DZIP1: variants seen among roughly 807,000 people sequenced by gnomAD.
DZIP1 encodes the protein cilium assembly protein DZIP1.
Under a neutral mutation model 107.6 loss-of-function variants are expected in DZIP1, and 97 were observed. That is an observed-to-expected ratio of 0.90 (90% CI 0.77 to 1.07). The LOEUF is 1.07. DZIP1 is among the 50% of genes least tolerant of loss of function. The probability of loss-of-function intolerance (pLI) is 0.00; values close to 1 mark genes in which losing one functional copy is unlikely to be tolerated. For missense variants in DZIP1, 1,035 were observed against 1,063.6 expected, an observed-to-expected ratio of 0.97 and a Z score of 0.37; for synonymous variants, 390 against 386.4, an observed-to-expected ratio of 1.01 and a Z score of -0.11.
chr13:95,584,607 C>G (rs772862810), intron 22 of DZIP1, 129 bp downstream of exon 22: 4 of 1,450,980 alleles, frequency 2.8e-6, no homozygotes, highest in Non-Finnish European at 3.6e-6. Flanking sequence ...ATTTAAATAA[C>G]ATAAAGAAAG....
At chr13:95,595,263 A>T (rs1239919529) in intron 15 of DZIP1, among the ~76,000 whole-genome samples, 2 of 152,236 alleles carry the variant, frequency 1.3e-5, no homozygotes, top group East Asian at 3.8e-4. Flanking sequence ...TTTGTTTAAG[A>T]TGTTTTCTAA....
rs778868848 is a variant in DZIP1 at position 95,590,493 on chromosome 13, A to C, written c.1681-52T>G. 4.6e-6 allele frequency: 7 copies of C among 1,527,676 alleles called. 1 individual carries two copies. The South Asian group carries it at 7.6e-5, about 17-fold the overall frequency. The allele number at this position is 1,527,676 out of a possible 1,614,324, so 94.6% of individuals were successfully genotyped here. On this transcript the variant is annotated intron_variant, in intron 16 of 22. Transcript: ENST00000376829. Reference sequence around the variant, plus strand: ...CAGTTATCCTGGGAGGTTTCATTTCATGGGCATATATCAGCATTAACTGTG... The same window carrying C: ...CAGTTATCCTGGGAGGTTTCATTTCCTGGGCATATATCAGCATTAACTGTG...
At chr13:95,623,993 A>G (rs1268347086) in intron 8 of DZIP1, among the ~76,000 whole-genome samples, 2 of 136,486 alleles carry the variant, frequency 1.5e-5, no homozygotes, top group Non-Finnish European at 3.2e-5. Context: ...AGGCCATTCA[A>G]AAACAGGTGG....
chr13:95,602,968 C>T (rs2044661950), intron 14 of DZIP1, among the ~76,000 whole-genome samples: 1 of 152,164 alleles, frequency 6.6e-6, no homozygotes, highest in African/African-American at 2.4e-5. Context: ...TTCAGTATTT[C>T]AAGATGTAGA....
chr13:95,637,636 C>CAA, intron 5 of DZIP1, among the ~76,000 whole-genome samples: 1 of 142,148 alleles, frequency 7.0e-6, no homozygotes, highest in Non-Finnish European at 1.5e-5. Context: ...CTCTCTCTCT[C>CAA]TCTCTCTCTC....
rs558645897 is a variant in DZIP1, at chr13:95,619,906, T to C, written c.1152A>G (p.Glu384=). ...TTACCCGACCCTTCTCTTTCTTGTG[T>C]TCTTGATGAATAGCTTGAACTCGAG... The part of the protein sequence containing the change: ...WTARVQAIHQ[E]HKKEKGRLLS... Residue 384 remains glutamate (E), a synonymous_variant, in exon 10 of 23, where the codon GAA becomes GAG. Coordinates refer to ENST00000376829, the MANE Select transcript of DZIP1 (RefSeq NM_198968.4). 3 of 1,613,982 alleles carry C rather than the reference T, an allele frequency of 1.9e-6. No individual in the cohort carries two copies. The highest frequency in any genetic ancestry group is 2.5e-6 in the Non-Finnish European group (3 of 1,179,998).
Position 95,593,954 on chromosome 13 carries a change from C to T in DZIP1, c.1670G>A (p.Gly557Glu), listed in dbSNP as rs1472476910. ...AATGAATGAACATACTGCATTAATCCCCAAGGTTTCCAGTTTCTCCATCAA... is the reference window on the plus strand; with the variant it reads ...AATGAATGAACATACTGCATTAATCTCCAAGGTTTCCAGTTTCTCCATCAA... ...QNLMEKLETL[G>E]INADIRGISS... Residue 557 changes from glycine (G) to glutamate (E), a missense_variant, in exon 16 of 23, where the codon GGG (glycine) becomes GAG (glutamate). Transcript: ENST00000376829. The T allele has an allele frequency of 6.2e-7, 1 of 1,605,186 alleles. No individual in the cohort carries two copies. The highest frequency in any genetic ancestry group is 1.1e-5 in the South Asian group (1 of 88,596).
intron 14 of DZIP1, among the ~76,000 whole-genome samples, chr13:95,599,867 G>A (rs17189824): frequency 0.62 from 93,692 of 152,064 alleles, 29,603 homozygotes; most frequent in African/African-American, 0.74. Context: ...CTAACCCCAC[G>A]GTTTTCAAGT....
chr13:95,634,853 A>G (rs1877602855), intron 5 of DZIP1, among the ~76,000 whole-genome samples: 1 of 152,200 alleles, frequency 6.6e-6, no homozygotes, highest in Admixed American at 6.5e-5. Flanking sequence ...TTTCCCTAAT[A>G]TTTCACATAT....
chr13:95,628,144 A>T (rs1176994369), intron 7 of DZIP1, among the ~76,000 whole-genome samples: 1 of 151,948 alleles, frequency 6.6e-6, no homozygotes, highest in Non-Finnish European at 1.5e-5. Flanking sequence ...GACTCAAGCC[A>T]TCTTCCTCCC....
At chr13:95,583,967 T>A (rs1158082554) in intron 22 of DZIP1, among the ~76,000 whole-genome samples, 1 of 151,448 alleles carries the variant, frequency 6.6e-6, no homozygotes, top group African/African-American at 2.4e-5. Context: ...CTAAAAAAAA[T>A]AAAAAAATAA....
intron 9 of DZIP1, among the ~76,000 whole-genome samples, chr13:95,620,162 C>T (rs1482272466): frequency 2.6e-5 from 4 of 152,100 alleles, no homozygotes; most frequent in African/African-American, 9.7e-5. Flanking sequence ...GTGGACTTCC[C>T]CCTTGCTGTT....
chr13:95,638,834 ATG>A (rs1397442429), intron 5 of DZIP1, among the ~76,000 whole-genome samples: 4 of 152,222 alleles, frequency 2.6e-5, no homozygotes, highest in African/African-American at 9.7e-5. Flanking sequence ...TGGTATGAGA[ATG>A]AGAATGAGAC....
chr13:95,620,265 C>T (rs1875663239), intron 9 of DZIP1, among the ~76,000 whole-genome samples: 1 of 152,178 alleles, frequency 6.6e-6, no homozygotes. Context: ...TTAAGACGTG[C>T]TTGGTTCCCC....
intron 10 of DZIP1, 71 bp from the exon 11 acceptor site, chr13:95,612,248 G>A: frequency 6.5e-7 from 1 of 1,533,886 alleles, no homozygotes; most frequent in Non-Finnish European, 8.8e-7. Flanking sequence ...CAGATTTCAG[G>A]TATACATGCT....
At chr13:95,636,483 C>T (rs1877834112) in intron 5 of DZIP1, among the ~76,000 whole-genome samples, 1 of 140,876 alleles carries the variant, frequency 7.1e-6, no homozygotes, top group African/African-American at 2.7e-5. Flanking sequence ...GTGGAGGTTG[C>T]AGTGAGACAA....
chr13:95,620,383 C>T lies in DZIP1; in HGVS notation c.1111-436G>A, dbSNP rs376671440. Among the ~76,000 whole-genome samples the T allele has an allele frequency of 3.3e-5, 5 of 152,270 alleles. No homozygotes were observed. In the South Asian group the frequency reaches 1.0e-3, roughly 32 times the overall value. On this transcript the variant is annotated intron_variant, in intron 9 of 22. Transcript: ENST00000376829. ...TTAAACCTCTTTTCTTTATAAATTACCCAGTCTTAGGTAATTCTTTACAGT... is the reference window on the plus strand; with the variant it reads ...TTAAACCTCTTTTCTTTATAAATTATCCAGTCTTAGGTAATTCTTTACAGT...
chr13:95,602,055 A>G lies in DZIP1; in HGVS notation c.1478-2631T>C, dbSNP rs141994792. Among the ~76,000 whole-genome samples the G allele has an allele frequency of 4.4e-3, 663 of 152,138 alleles. 1 individual carries two copies. The highest frequency in any genetic ancestry group is 6.0e-3 in the Non-Finnish European group (406 of 68,002). ...AAGCCTCCCATAGCCCAGCTCTCCA[A>G]TTCTGCACACCCAGCCTCAGGAACA... On this transcript the variant is annotated intron_variant, in intron 14 of 22. Coordinates refer to ENST00000376829, the MANE Select transcript of DZIP1 (RefSeq NM_198968.4).
intron 5 of DZIP1, among the ~76,000 whole-genome samples, chr13:95,635,914 G>A (rs1427136069): frequency 6.6e-6 from 1 of 151,436 alleles, no homozygotes; most frequent in Non-Finnish European, 1.5e-5. Flanking sequence ...AAGGGAGGAG[G>A]GGAAAAAAAG....
Sources: gnomAD v4.1 joint callset for allele counts (sites outside exome capture counted in the v4.1 genomes callset) on GRCh38, gnomAD v4.1.1 for gene constraint, MANE v1.5 for transcripts, NCBI Gene and HGNC (gene_info 2026-07-23, HGNC 2026-07-21) for gene names.